Variants in MORN3 observed in about 807,000 individuals in gnomAD.
MORN3 encodes the protein MORN repeat containing 3.
MORN3 carries 38 observed loss-of-function variants against 34.7 expected under a neutral mutation model. The ratio of observed to expected loss-of-function variants is 1.10; its 90% CI spans 0.85 to 1.44. The LOEUF (loss-of-function observed/expected upper bound fraction) is 1.44, where lower values mean the gene tolerates loss of function less well. MORN3 is among the 40% of genes most tolerant of loss of function. The pLI is 0.00. For missense variants in MORN3, 311 were observed against 321.7 expected (o/e 0.97, Z 0.25); for synonymous variants, 109 against 115.3 (o/e 0.95, Z 0.35).
chr12:121,658,427 G>A (rs555257822), intron 2 of MORN3, among the ~76,000 whole-genome samples: 1 of 151,886 alleles, frequency 6.6e-6, no homozygotes, highest in Admixed American at 6.6e-5. Flanking sequence ...TTAGCCGGGC[G>A]TGGTGGCGGG....
intron 1 of MORN3, among the ~76,000 whole-genome samples, chr12:121,661,346 C>G (rs1893574682): frequency 6.6e-6 from 1 of 152,152 alleles, no homozygotes; most frequent in African/African-American, 2.4e-5. Context: ...TTCTCAGCCT[C>G]TCGACGAGCT....
intron 1 of MORN3, among the ~76,000 whole-genome samples, chr12:121,663,393 TC>T (rs1474516097): frequency 6.6e-6 from 1 of 152,068 alleles, no homozygotes; most frequent in African/African-American, 2.4e-5. Context: ...AGACGGTGTT[TC>T]CCCATGTTGG....
intron 2 of MORN3, among the ~76,000 whole-genome samples, chr12:121,656,276 C>T (rs960631798): frequency 2.2e-4 from 34 of 151,914 alleles, no homozygotes; most frequent in African/African-American, 7.5e-4. Flanking sequence ...TTTTTTCTTC[C>T]TGGCTAACTC....
chr12:121,660,996 C>G (rs558782599), intron 1 of MORN3, among the ~76,000 whole-genome samples: 1 of 152,032 alleles, frequency 6.6e-6, no homozygotes, highest in Admixed American at 6.6e-5. Flanking sequence ...TAGACAGGAT[C>G]TGGCTGTGTT....
chr12:121,669,299 C>G (rs1210229083), intron 1 of MORN3, 40 bp downstream of exon 1: 1 of 1,608,602 alleles, frequency 6.2e-7, no homozygotes, highest in Non-Finnish European at 8.5e-7. Context: ...CACTGTGGCT[C>G]TGACCCCACT....
At position 121,668,349 on chromosome 12, in the gene MORN3, C is replaced by G. The variant is rs563105933; in HGVS notation, c.145+990G>C. On this transcript the variant is annotated intron_variant, in intron 1 of 5. Transcript: ENST00000355329. The stretch of plus-strand genomic sequence containing the variant: ...CTCGAGGTCGGGAGTTCAAGACCAG[C>G]CTGACCAACACGGAGAAACCCCGTC... Among the ~76,000 whole-genome samples, 10 of 152,050 alleles carry G rather than the reference C, an allele frequency of 6.6e-5. No individual in the cohort carries two copies. In the South Asian group the frequency reaches 2.1e-3, roughly 32 times the overall value.
chr12:121,653,041 G>A lies in MORN3; in HGVS notation c.648+34C>T, dbSNP rs998960751. 12 of 1,566,630 alleles carry A rather than the reference G, an allele frequency of 7.7e-6. No homozygotes were observed. The African/African-American group carries it at 1.5e-4, about 20-fold the overall frequency. The stretch of plus-strand genomic sequence containing the variant: ...GATGCTGGCTTCTGTCTCTGTCTGG[G>A]TGTGGCCACAGGGCCCTGGTGAGGG... On this transcript the variant is annotated intron_variant, in intron 4 of 5. Coordinates refer to ENST00000355329, the MANE Select transcript of MORN3 (RefSeq NM_173855.5).
At chr12:121,667,201 A>G (rs113933488) in intron 1 of MORN3, among the ~76,000 whole-genome samples, 6,730 of 151,890 alleles carry the variant, frequency 0.044, 200 homozygotes, top group Non-Finnish European at 0.069. Context: ...ACCTCAGGCG[A>G]TATGCCTGTC....
chr12:121,658,609 C>T (rs1893484011), intron 2 of MORN3, among the ~76,000 whole-genome samples: 1 of 150,426 alleles, frequency 6.6e-6, no homozygotes, highest in South Asian at 2.1e-4. Context: ...GTGTTTCAGG[C>T]TCACAGTAGC....
At chr12:121,667,915 G>GGGTTTCACT (rs1375042892) in intron 1 of MORN3, among the ~76,000 whole-genome samples, 2 of 151,744 alleles carry the variant, frequency 1.3e-5, no homozygotes, top group South Asian at 4.2e-4. Context: ...AGTAGAGACA[G>GGGTTTCACT]GGTTTCACTG....
In MORN3 at chr12:121,649,622, G is replaced by A. The variant is rs888492649; in HGVS notation, c.*2029C>T. The A allele has an allele frequency of 6.6e-6, 1 of 152,174 alleles. No homozygotes were observed. The highest frequency in any genetic ancestry group is 2.4e-5 in the African/African-American group (1 of 41,516). The allele number at this position is 152,174 out of a possible 1,614,324, so 9.4% of individuals were successfully genotyped here. A position where few individuals can be genotyped will look rare whatever the true frequency, so the allele number is the denominator to read the frequency against. On this transcript the variant is annotated 3_prime_UTR_variant, in exon 6 of 6. Transcript: ENST00000355329. ...CAGAGAGAACCTCAGTAAGGTCAGTGGTGTTTATTGAGGCTTTACTATGTG... is the reference window on the plus strand; with the variant it reads ...CAGAGAGAACCTCAGTAAGGTCAGTAGTGTTTATTGAGGCTTTACTATGTG...
chr12:121,669,813 CAT>C (rs750751662), upstream of MORN3, among the ~76,000 whole-genome samples: 598 of 135,988 alleles, frequency 4.4e-3, 4 homozygotes, highest in Non-Finnish European at 5.4e-3. Flanking sequence ...GTCATATATA[CAT>C]ATATATATAT....
rs1217567244 is a variant in MORN3, at chr12:121,649,859, A to ATTTTTTTTTTTTTTTTTTTTTTTTT, written c.*1791_*1792insAAAAAAAAAAAAAAAAAAAAAAAAA. 7.6e-6 allele frequency: 1 copy of ATTTTTTTTTTTTTTTTTTTTTTTTT among 131,670 alleles called. No individual in the cohort carries two copies. The highest frequency in any genetic ancestry group is 2.9e-5 in the African/African-American group (1 of 33,998). 8.2% of individuals were successfully genotyped at this position (131,670 alleles called of 1,614,324 possible). A position where few individuals can be genotyped will look rare whatever the true frequency, so the allele number is the denominator to read the frequency against. On this transcript the variant is annotated 3_prime_UTR_variant, in exon 6 of 6. Transcript: ENST00000355329. ...AAGTAGTTGGGATTACAGGTGCTGA[A>ATTTTTTTTTTTTTTTTTTTTTTTTT]TTCTTTTTTTTTTTTTTTTTTGTAG...
chr12:121,653,353 CA>C (rs1463741315), intron 3 of MORN3, 94 bp from the exon 4 acceptor site: 98 of 1,336,974 alleles, frequency 7.3e-5, no homozygotes, highest in Admixed American at 1.2e-4. Flanking sequence ...CAAATCCTAA[CA>C]CATTGGGAGG....
intron 1 of MORN3, among the ~76,000 whole-genome samples, chr12:121,660,578 T>G (rs938552581): frequency 6.6e-6 from 1 of 151,566 alleles, no homozygotes; most frequent in Admixed American, 6.6e-5. Flanking sequence ...CTCTAACTCC[T>G]GACATCGTGA....
intron 1 of MORN3, among the ~76,000 whole-genome samples, chr12:121,667,612 G>A (rs1893806769): frequency 6.6e-6 from 1 of 151,934 alleles, no homozygotes; most frequent in Non-Finnish European, 1.5e-5. Context: ...CCGTCCTCCT[G>A]GCTGTTCCTT....
chr12:121,653,343 C>T, intron 3 of MORN3, 84 bp from the exon 4 acceptor site: 1 of 1,398,566 alleles, frequency 7.2e-7, no homozygotes. Context: ...GAGCTCAGTG[C>T]AAATCCTAAC....
intron 2 of MORN3, among the ~76,000 whole-genome samples, chr12:121,657,040 T>C (rs1893436078): frequency 6.6e-6 from 1 of 152,212 alleles, no homozygotes; most frequent in South Asian, 2.1e-4. Context: ...TGCAAAATTA[T>C]GACTGAGACA....
chr12:121,668,927 G>A (rs759245933), intron 1 of MORN3, among the ~76,000 whole-genome samples: 38 of 152,102 alleles, frequency 2.5e-4, no homozygotes, highest in Admixed American at 1.3e-4. Flanking sequence ...CTTGTGCCTG[G>A]CGCTCAGCCC....
Sources: allele counts gnomAD v4.1 joint callset (sites outside exome capture counted in the v4.1 genomes callset), GRCh38; gene constraint gnomAD v4.1.1; transcripts MANE v1.5; gene names NCBI Gene and HGNC (gene_info 2026-07-23, HGNC 2026-07-21).